The following MS4A4A variants were observed in gnomAD, a reference collection of about 807,000 sequenced individuals.
MS4A4A encodes membrane-spanning 4-domains subfamily A member 4A.
Under a neutral mutation model 28.0 loss-of-function variants are expected in MS4A4A, and 26 were observed. The observed-to-expected ratio is 0.93, with a 90% CI of 0.68 to 1.29. The LOEUF is 1.29. MS4A4A is among the 50% of genes most tolerant of loss of function. The pLI is 0.00. For synonymous variants in MS4A4A, 86 were observed against 100.8 expected (o/e 0.85, Z 0.88); for missense variants, 290 against 293.1 (o/e 0.99, Z 0.08).
chr11:60,307,114 A>G (rs1167004114), intron 6 of MS4A4A, among the ~76,000 whole-genome samples: 1 of 152,206 alleles, frequency 6.6e-6, no homozygotes, highest in Non-Finnish European at 1.5e-5. Flanking sequence ...CCCAACAGCT[A>G]CTCATTAGCT....
At chr11:60,301,121 C>A in intron 4 of MS4A4A, 64 bp downstream of exon 4, 2 of 1,288,604 alleles carry the variant, frequency 1.6e-6, no homozygotes, top group Non-Finnish European at 2.1e-6. Flanking sequence ...TGTATTCTGC[C>A]AGGGTGTAAA....
chr11:60,301,078 T>C, intron 4 of MS4A4A, 21 bp downstream of exon 4: 1 of 1,551,740 alleles, frequency 6.4e-7, no homozygotes, highest in Non-Finnish European at 8.7e-7. Flanking sequence ...TTTTCTTTTT[T>C]TGGTATCAAA....
chr11:60,282,391 C>T (rs2084762098), intron 1 of MS4A4A, among the ~76,000 whole-genome samples: 1 of 152,146 alleles, frequency 6.6e-6, no homozygotes, highest in South Asian at 2.1e-4. Flanking sequence ...TAGTCACTTT[C>T]CAAATAACTT....
At chr11:60,294,898 T>A (rs375702640) in intron 2 of MS4A4A, among the ~76,000 whole-genome samples, 2,088 of 20,174 alleles carry the variant, frequency 0.1, 38 homozygotes, top group Non-Finnish European at 0.13. Context: ...TACTACTTCT[T>A]CTTCTTCTTC....
chr11:60,292,532 A>C, intron 2 of MS4A4A, 148 bp downstream of exon 2: 1 of 740,728 alleles, frequency 1.4e-6, no homozygotes, highest in South Asian at 2.6e-5. Context: ...TTCATCTGAA[A>C]AACTATATAG....
In MS4A4A at chr11:60,306,165, C is replaced by T. The variant is rs750588816; in HGVS notation, c.612C>T (p.Ala204=). 6.2e-7 allele frequency: 1 copy of T among 1,614,036 alleles called. No individual in the cohort carries two copies. The highest frequency in any genetic ancestry group is 8.5e-7 in the Non-Finnish European group (1 of 1,179,858). ...TCTGCATTGCTGTGTCCCTCTCTGCCTTTGGATGTAAAGTGCTCTGTTGTA... is the reference window on the plus strand; with the variant it reads ...TCTGCATTGCTGTGTCCCTCTCTGCTTTTGGATGTAAAGTGCTCTGTTGTA... The part of the protein sequence containing the change: ...LEFCIAVSLS[A]FGCKVLCCTP... The change falls in exon 6 of 7, where the codon GCC becomes GCT. Residue 204 remains alanine (A), a synonymous_variant. Transcript: ENST00000337908.
chr11:60,293,580 G>C lies in MS4A4A; in HGVS notation c.201+1196G>C, dbSNP rs576165773. On this transcript the variant is annotated intron_variant, in intron 2 of 6. Transcript: ENST00000337908. ...TCATTCTCTGTGTTGTGTGTTCTGT[G>C]GGTTTTAACACAAGTATAGTGATAT... is the stretch of plus-strand genomic sequence containing the variant. Among the ~76,000 whole-genome samples, 4 of 152,202 alleles carry C rather than the reference G, an allele frequency of 2.6e-5. No individual in the cohort carries two copies. In the South Asian group the frequency reaches 8.3e-4, roughly 32 times the overall value.
chr11:60,295,074 T>C (rs1211022521), intron 2 of MS4A4A, among the ~76,000 whole-genome samples: 1 of 152,000 alleles, frequency 6.6e-6, no homozygotes, highest in African/African-American at 2.4e-5. Context: ...ACTGATCAAG[T>C]TGGAAAGAAC....
intron 1 of MS4A4A, among the ~76,000 whole-genome samples, chr11:60,291,463 A>C (rs2084855089): frequency 6.6e-6 from 1 of 152,170 alleles, no homozygotes; most frequent in African/African-American, 2.4e-5. Context: ...CTATACAATA[A>C]ATTGGAAGGC....
intron 4 of MS4A4A, among the ~76,000 whole-genome samples, chr11:60,302,101 A>T (rs1322021244): frequency 1.3e-5 from 2 of 152,136 alleles, no homozygotes; most frequent in Non-Finnish European, 2.9e-5. Context: ...GTTCTTATTA[A>T]AAGCCTCCTT....
Position 60,308,192 on chromosome 11 carries a change from T to A in MS4A4A, c.*14T>A, listed in dbSNP as rs200839732. On this transcript the variant is annotated 3_prime_UTR_variant, in exon 7 of 7. Coordinates refer to ENST00000337908, the MANE Select transcript of MS4A4A (RefSeq NM_148975.3). ...AATGAGGTTTGAGGCCACCAAAAGA[T>A]CAACAGACAAATGCTCCAGAAATCT... 1.9e-6 allele frequency: 3 copies of A among 1,611,272 alleles called. No homozygotes were observed. Among genetic ancestry groups the A allele is most frequent in the African/African-American group, 2.7e-5 (2 of 74,848 alleles).
At chr11:60,282,887 C>A in intron 1 of MS4A4A, 1 of 537,528 alleles carries the variant, frequency 1.9e-6, no homozygotes, top group Non-Finnish European at 2.8e-6. Flanking sequence ...ATCATTCTGG[C>A]TACAACATCA....
Position 60,297,258 on chromosome 11 carries a change from C to T in MS4A4A, c.263C>T (p.Ala88Val), listed in dbSNP as rs1202650201. The change falls in exon 3 of 7, where the codon GCA becomes GTA. Residue 88 changes from alanine (A) to valine (V), a missense_variant. Coordinates refer to ENST00000337908, the MANE Select transcript of MS4A4A (RefSeq NM_148975.3). Reference sequence around the variant, plus strand: ...ATGGGAATAACAATGATGTGTATGGCATCTAATACTTATGGAAGTAACCCT... The same window carrying T: ...ATGGGAATAACAATGATGTGTATGGTATCTAATACTTATGGAAGTAACCCT... Reference protein sequence around the residue: ...LSMGITMMCMASNTYGSNPIS... With the variant: ...LSMGITMMCMVSNTYGSNPIS... 1 of 1,613,406 alleles carries T rather than the reference C, an allele frequency of 6.2e-7. No individual in the cohort carries two copies. The highest frequency in any genetic ancestry group is 8.5e-7 in the Non-Finnish European group (1 of 1,179,576).
intron 1 of MS4A4A, among the ~76,000 whole-genome samples, chr11:60,285,781 A>G (rs757897070): frequency 6.6e-6 from 1 of 152,232 alleles, no homozygotes; most frequent in Non-Finnish European, 1.5e-5. Context: ...AGAAGGGCAG[A>G]GCAAGGTCAC....
rs929009268 is a variant in MS4A4A, at chr11:60,297,116, A to G, written c.202-81A>G. The G allele has an allele frequency of 2.6e-6, 4 of 1,519,110 alleles. No individual in the cohort carries two copies. The African/African-American group carries it at 5.5e-5, about 21-fold the overall frequency. 94.1% of individuals were successfully genotyped at this position (1,519,110 alleles called of 1,614,324 possible). On this transcript the variant is annotated intron_variant, in intron 2 of 6. Coordinates refer to ENST00000337908, the MANE Select transcript of MS4A4A (RefSeq NM_148975.3). The stretch of plus-strand genomic sequence containing the variant: ...CTATCAAATGAAGGAGAATAAGGAT[A>G]GCTTAGTGATTGGAAAGGGGGTGGC...
At chr11:60,282,592 A>G (rs1421697247) in intron 1 of MS4A4A, 2 of 1,284,008 alleles carry the variant, frequency 1.6e-6, no homozygotes, top group African/African-American at 3.1e-5. Flanking sequence ...TGTTCTTACA[A>G]GGTGGTCACA....
intron 1 of MS4A4A, among the ~76,000 whole-genome samples, chr11:60,287,158 C>T (rs967565934): frequency 6.6e-6 from 1 of 152,176 alleles, no homozygotes; most frequent in Non-Finnish European, 1.5e-5. Context: ...GTACTGTCCT[C>T]CCACAAAACT....
chr11:60,290,877 T>C (rs554385282), intron 1 of MS4A4A, among the ~76,000 whole-genome samples: 16 of 152,172 alleles, frequency 1.1e-4, no homozygotes, highest in Non-Finnish European at 2.2e-4. Context: ...ATCTTAATTT[T>C]TTTCTCAACA....
At chr11:60,282,552 G>A (rs1237883400) in intron 1 of MS4A4A, 2 of 1,274,822 alleles carry the variant, frequency 1.6e-6, no homozygotes, top group Non-Finnish European at 2.0e-6. Context: ...TCATGTGTGA[G>A]AAGATTAGAT....
Sources: gnomAD v4.1 joint callset for allele counts (sites outside exome capture counted in the v4.1 genomes callset) on GRCh38, gnomAD v4.1.1 for gene constraint, MANE v1.5 for transcripts, NCBI Gene and HGNC (gene_info 2026-07-23, HGNC 2026-07-21) for gene names.